The following RTEL1 variants were observed in gnomAD, a reference collection of about 807,000 sequenced individuals.
RTEL1 encodes regulator of telomere elongation helicase 1.
RTEL1 carries 86 observed loss-of-function variants against 162.2 expected under a neutral mutation model. The ratio of observed to expected loss-of-function variants is 0.53; its 90% CI spans 0.45 to 0.63. RTEL1 has a LOEUF of 0.63. RTEL1 is among the 30% of genes least tolerant of loss of function. The pLI, the probability that RTEL1 is intolerant of heterozygous loss-of-function variation, is 0.00. For missense variants in RTEL1, 1,941 were observed against 1,750.2 expected (o/e 1.11, Z -1.95); for synonymous variants, 958 against 717.9 (o/e 1.33, Z -5.35).
intron 10 of RTEL1, among the ~76,000 whole-genome samples, chr20:63,675,235 A>G (rs563385910): frequency 6.6e-6 from 1 of 152,288 alleles, no homozygotes; most frequent in Admixed American, 6.5e-5. Context: ...GGCTTCTGTA[A>G]ACAGCTGACT....
rs1305117429 is a variant in RTEL1 at position 63,661,756 on chromosome 20, C to T, written c.302-94C>T. The T allele has an allele frequency of 1.7e-6, 2 of 1,158,134 alleles. No homozygotes were observed. The highest frequency in any genetic ancestry group is 2.6e-6 in the Non-Finnish European group (2 of 773,442). 71.7% of individuals were successfully genotyped at this position (1,158,134 alleles called of 1,614,324 possible). On this transcript the variant is annotated intron_variant, in intron 3 of 34. Coordinates refer to ENST00000360203, the MANE Select transcript of RTEL1 (RefSeq NM_001283009.2). This position sits in a 1 kb window ranked among gnomAD's most constrained non-coding sequence, Gnocchi z 5.1. ...TCTGGGGTGTCAGATTCTTGGCTGT[C>T]TGCAGGGCCGAGTTAGCCGAATGCC...
In RTEL1 at chr20:63,673,926, T is replaced by C; in HGVS notation, c.766-14T>C. 6.2e-7 allele frequency: 1 copy of C among 1,603,428 alleles called. No homozygotes were observed. The highest frequency in any genetic ancestry group is 8.5e-7 in the Non-Finnish European group (1 of 1,172,962). ...GTCCTGTTCTGTGGTGATTCGGGTG[T>C]GCTTGGGCTCTAGGAGAAGATGTGT... On this transcript the variant is annotated splice_polypyrimidine_tract_variant and intron_variant, in intron 9 of 34. Transcript: ENST00000360203.
Position 63,691,772 on chromosome 20 carries a change from T to A in RTEL1, c.2587T>A (p.Ser863Thr). The change falls in exon 28 of 35, where the codon TCT becomes ACT. Residue 863 changes from serine to threonine, a missense_variant. Physicochemically the swap from Ser to Thr is moderately conservative, Grantham distance 58 (BLOSUM62 1). Coordinates refer to ENST00000360203, the MANE Select transcript of RTEL1 (RefSeq NM_001283009.2). ...AHSCSTLSLL[S>T]EKRPAEEPRG... is the part of the protein sequence containing the mutation. ...CAGCTGCTCCACCCTGTCCCTCCTG[T>A]CTGAGAAGAGGCCGGCAGAAGAACC... 6.2e-7 allele frequency: 1 copy of A among 1,612,420 alleles called. No individual in the cohort carries two copies. The highest frequency in any genetic ancestry group is 8.5e-7 in the Non-Finnish European group (1 of 1,179,796).
chr20:63,672,544 T>C lies in RTEL1; in HGVS notation c.700-12T>C. 6.4e-7 allele frequency: 1 copy of C among 1,570,164 alleles called. No individual in the cohort carries two copies. On this transcript the variant is annotated splice_polypyrimidine_tract_variant and intron_variant, in intron 8 of 34. Coordinates refer to ENST00000360203, the MANE Select transcript of RTEL1 (RefSeq NM_001283009.2). ...GAGCTCCAGCGCTGCGTCCCTTCTC[T>C]TCCTCCTGTAGAGCCGCAGAGCACA... is the stretch of plus-strand genomic sequence containing the variant.
intron 30 of RTEL1, among the ~76,000 whole-genome samples, chr20:63,693,818 C>G (rs1196639992): frequency 2.1e-5 from 3 of 142,970 alleles, no homozygotes; most frequent in African/African-American, 5.3e-5. Flanking sequence ...ATGCACAGCC[C>G]TGTCCCTGCC....
At chr20:63,690,778 T>C in intron 26 of RTEL1, 27 bp from the exon 27 acceptor site, 1 of 1,584,666 alleles carries the variant, frequency 6.3e-7, no homozygotes, top group Non-Finnish European at 8.6e-7. Context: ...CCCGTGGGCT[T>C]CACTGCGCAC....
At chr20:63,680,071 A>G (rs1601139177) in intron 13 of RTEL1, 125 bp downstream of exon 13, 1 of 658,352 alleles carries the variant, frequency 1.5e-6, no homozygotes, top group Non-Finnish European at 2.6e-6. Context: ...GGCCCACAGA[A>G]CCTCATCTTC....
At chr20:63,659,767 C>A (rs1163285994) in intron 2 of RTEL1, among the ~76,000 whole-genome samples, 5 of 151,988 alleles carry the variant, frequency 3.3e-5, no homozygotes, top group Non-Finnish European at 7.3e-5. Flanking sequence ...GAATAAGACA[C>A]AGAGACAAAG....
intron 20 of RTEL1, 27 bp downstream of exon 20, chr20:63,688,413 G>C (rs760510537): frequency 6.2e-7 from 1 of 1,610,318 alleles, no homozygotes; most frequent in Middle Eastern, 1.7e-4. Flanking sequence ...TTCTGGGCGG[G>C]GTGGGTGAGG....
chr20:63,684,692 C>G (rs911680166), intron 14 of RTEL1, among the ~76,000 whole-genome samples: 3 of 152,088 alleles, frequency 2.0e-5, no homozygotes, highest in Admixed American at 1.3e-4. Context: ...AGGCTGGTCT[C>G]GAACTCCTGA....
intron 10 of RTEL1, among the ~76,000 whole-genome samples, chr20:63,675,012 A>G (rs1601122647): frequency 6.6e-6 from 1 of 151,954 alleles, no homozygotes; most frequent in South Asian, 2.1e-4. Context: ...GGTTCAAGCA[A>G]TTCTCCTGCC....
intron 4 of RTEL1, 114 bp downstream of exon 4, chr20:63,662,057 C>A (rs780226083): frequency 4.6e-6 from 4 of 865,950 alleles, no homozygotes; most frequent in Non-Finnish European, 7.5e-6. Flanking sequence ...TCTTTCTAGA[C>A]GCTCCCCCGA....
chr20:63,680,632 AGT>A, intron 13 of RTEL1, 30 bp from the exon 14 acceptor site: 1 of 1,611,252 alleles, frequency 6.2e-7, no homozygotes, highest in Non-Finnish European at 8.5e-7. Flanking sequence ...CCCTGCCTGC[AGT>A]GTGGGTGTCA....
In RTEL1 at chr20:63,690,688, C is replaced by T. The variant is rs375983293; in HGVS notation, c.2414-117C>T. On this transcript the variant is annotated intron_variant, in intron 26 of 34. Transcript: ENST00000360203. ...AGACTCCCCCCAATAGCAGGGAGGA[C>T]ACCCACAGGCAGGACCCCAAGTGCT... 33 of 1,199,098 alleles carry T rather than the reference C, an allele frequency of 2.8e-5. 1 individual carries two copies. The East Asian group carries it at 6.4e-4, about 23-fold the overall frequency. The allele number at this position is 1,199,098 out of a possible 1,614,324, so 74.3% of individuals were successfully genotyped here. A position where few individuals can be genotyped will look rare whatever the true frequency, so the allele number is the denominator to read the frequency against.
At chr20:63,674,353 C>G (rs1313842136) in intron 10 of RTEL1, among the ~76,000 whole-genome samples, 1 of 152,188 alleles carries the variant, frequency 6.6e-6, no homozygotes, top group Non-Finnish European at 1.5e-5. Context: ...GGTCCTGTAG[C>G]CTGTGGAAGG....
intron 6 of RTEL1, among the ~76,000 whole-genome samples, chr20:63,665,747 C>A (rs1192738077): frequency 6.6e-6 from 1 of 152,184 alleles, no homozygotes; most frequent in East Asian, 1.9e-4. Flanking sequence ...CCCTCGGGAT[C>A]CTGCTGGCCT....
rs3848671 is a variant in RTEL1, at chr20:63,692,813, C to A, written c.2661C>A (p.Pro887=). ...GGGCCTGTGTCCTGCAGGAGGAGCC[C>A]GTGGCTGGTGCACAGACGGACAGGG... is the stretch of plus-strand genomic sequence containing the variant. ...KIRLVSHPEE[P]VAGAQTDRAK... Residue 887 remains proline (P), a synonymous_variant, in exon 29 of 35, where the codon CCC becomes CCA. Transcript: ENST00000360203. The A allele has an allele frequency of 6.2e-7, 1 of 1,610,622 alleles. No individual in the cohort carries two copies. Among genetic ancestry groups the A allele is most frequent in the African/African-American group, 1.3e-5 (1 of 74,872 alleles).
intron 10 of RTEL1, among the ~76,000 whole-genome samples, chr20:63,677,365 A>G (rs1235254957): frequency 1.3e-5 from 2 of 152,226 alleles, no homozygotes; most frequent in Non-Finnish European, 2.9e-5. Flanking sequence ...CGGTAATCCC[A>G]GCACTTTGGG....
At chr20:63,679,031 G>A (rs1288082411) in intron 12 of RTEL1, among the ~76,000 whole-genome samples, 2 of 152,182 alleles carry the variant, frequency 1.3e-5, no homozygotes, top group African/African-American at 4.8e-5. Flanking sequence ...CTGTTAGAAC[G>A]AGACCTTCTT....
Sources: gnomAD v4.1 joint callset for allele counts (sites outside exome capture counted in the v4.1 genomes callset) on GRCh38, gnomAD v4.1.1 for gene constraint, Gnocchi (gnomAD v3.1) non-coding constraint, MANE v1.5 for transcripts, NCBI Gene and HGNC (gene_info 2026-07-23, HGNC 2026-07-21) for gene names.